The following PLPPR5 variants were observed in gnomAD, a reference collection of about 807,000 sequenced individuals.
PLPPR5 encodes phospholipid phosphatase-related protein type 5.
PLPPR5 carries 16 observed loss-of-function variants against 33.9 expected under a neutral mutation model. That is an observed-to-expected ratio of 0.47 (90% CI 0.32 to 0.72). The LOEUF is 0.72. PLPPR5 is among the 30% of genes least tolerant of loss of function. PLPPR5 has a pLI of 0.03. For synonymous variants in PLPPR5, 163 were observed against 150.3 expected, an observed-to-expected ratio of 1.08 and a Z score of -0.62; for missense variants, 301 against 406.7, an observed-to-expected ratio of 0.74 and a Z score of 2.23.
At chr1:98,902,493 T>A (rs1416723929) in intron 5 of PLPPR5, among the ~76,000 whole-genome samples, 2 of 152,164 alleles carry the variant, frequency 1.3e-5, no homozygotes, top group African/African-American at 4.8e-5. Context: ...TAATCAAAAC[T>A]ATGAAAAATA....
rs530517259 is a variant in PLPPR5 at position 99,002,799 on chromosome 1, G to C, written c.237+1636C>G. 1.4e-4 allele frequency among the ~76,000 whole-genome samples: 21 copies of C among 152,050 alleles called. No homozygotes were observed. The South Asian group carries it at 4.2e-3, about 30-fold the overall frequency. ...TAAAGGATGAGTTACAGACATTATTGATTATAGCTATGACCAAACCAATGA... is the reference window on the plus strand; with the variant it reads ...TAAAGGATGAGTTACAGACATTATTCATTATAGCTATGACCAAACCAATGA... On this transcript the variant is annotated intron_variant, in intron 1 of 5. Transcript: ENST00000263177.
rs200017242 is a variant in PLPPR5, at chr1:98,956,630, G to A, written c.349C>T (p.Arg117Cys). The change falls in exon 2 of 6, where the codon CGC becomes TGC. Residue 117 changes from arginine (R) to cysteine (C), a missense_variant. Transcript: ENST00000263177. The stretch of plus-strand genomic sequence containing the variant: ...ATACCAAGAAATCGGACAGTTCGGC[G>A]CACCAGCGGGTTTATATAGCAACAG... ...GDCCYINPLV[R>C]RTVRFLGIYT... The A allele has an allele frequency of 2.2e-4, 351 of 1,586,096 alleles. No homozygotes were observed. The highest frequency in any genetic ancestry group is 2.6e-4 in the Non-Finnish European group (307 of 1,170,392).
At chr1:99,004,921 G>A (rs1653022814), upstream of PLPPR5, 2 of 177,852 alleles carry the variant, frequency 1.1e-5, no homozygotes, top group Non-Finnish European at 1.2e-5. Flanking sequence ...CCTGCCCGCC[G>A]CAAGCGCCGC....
intron 3 of PLPPR5, among the ~76,000 whole-genome samples, chr1:98,946,781 A>G (rs1237985326): frequency 6.6e-6 from 1 of 152,206 alleles, no homozygotes; most frequent in Non-Finnish European, 1.5e-5. Context: ...TACAGTAAGC[A>G]CAGTACCTAG....
intron 1 of PLPPR5, among the ~76,000 whole-genome samples, chr1:98,962,061 G>C (rs943421641): frequency 2.0e-5 from 3 of 152,066 alleles, no homozygotes; most frequent in Admixed American, 1.3e-4. Flanking sequence ...CTGCTCTTCT[G>C]TGTCACCATC....
intron 5 of PLPPR5, among the ~76,000 whole-genome samples, chr1:98,908,478 G>A (rs1247813124): frequency 6.6e-6 from 1 of 152,104 alleles, no homozygotes; most frequent in East Asian, 1.9e-4. Context: ...GACTCCTAAG[G>A]ATAATTAATA....
At chr1:98,981,437 A>G (rs1431647655) in intron 1 of PLPPR5, among the ~76,000 whole-genome samples, 1 of 152,054 alleles carries the variant, frequency 6.6e-6, no homozygotes, top group East Asian at 1.9e-4. Flanking sequence ...GTTTGCTGAG[A>G]ACACTCGTCC....
chr1:98,993,369 T>C (rs1240576704), intron 1 of PLPPR5, among the ~76,000 whole-genome samples: 1 of 152,028 alleles, frequency 6.6e-6, no homozygotes, highest in Non-Finnish European at 1.5e-5. Context: ...GATTCTCATA[T>C]CTGTATTCTA....
chr1:98,920,316 C>T (rs1426757956), intron 4 of PLPPR5, among the ~76,000 whole-genome samples: 1 of 152,098 alleles, frequency 6.6e-6, no homozygotes, highest in Non-Finnish European at 1.5e-5. Flanking sequence ...AATACAGTTG[C>T]ATCTGACACC....
At chr1:98,947,173 A>G (rs1208374666) in intron 3 of PLPPR5, among the ~76,000 whole-genome samples, 1 of 152,204 alleles carries the variant, frequency 6.6e-6, no homozygotes, top group Non-Finnish European at 1.5e-5. Context: ...GCCTAATCAA[A>G]TAGTATATTT....
At chr1:98,964,198 G>A (rs980018283) in intron 1 of PLPPR5, among the ~76,000 whole-genome samples, 18 of 152,296 alleles carry the variant, frequency 1.2e-4, no homozygotes, top group Middle Eastern at 3.4e-3. Flanking sequence ...TCACTTCACA[G>A]TTTTCTTTGA....
At chr1:99,002,703 A>G (rs1205862316) in intron 1 of PLPPR5, among the ~76,000 whole-genome samples, 1 of 152,078 alleles carries the variant, frequency 6.6e-6, no homozygotes, top group African/African-American at 2.4e-5. Context: ...TCTAACTAGC[A>G]CCTGCCACCA....
At chr1:98,977,199 G>A (rs1461027602) in intron 1 of PLPPR5, among the ~76,000 whole-genome samples, 5 of 151,964 alleles carry the variant, frequency 3.3e-5, no homozygotes, top group Non-Finnish European at 7.4e-5. Context: ...ATTTGTGGAT[G>A]GATTAAATAA....
intron 1 of PLPPR5, among the ~76,000 whole-genome samples, chr1:98,996,804 C>G (rs1483196003): frequency 6.6e-6 from 1 of 152,002 alleles, no homozygotes; most frequent in Non-Finnish European, 1.5e-5. Context: ...TGTAACTAAA[C>G]TTATATATTA....
At chr1:98,959,460 C>T (rs977007988) in intron 1 of PLPPR5, among the ~76,000 whole-genome samples, 1 of 152,192 alleles carries the variant, frequency 6.6e-6, no homozygotes, top group Admixed American at 6.5e-5. Context: ...GTTTATTCTA[C>T]AGTTAGTTTC....
chr1:98,911,354 A>G (rs9651145), intron 5 of PLPPR5, among the ~76,000 whole-genome samples: 26,104 of 152,162 alleles, frequency 0.17, 2,494 homozygotes, highest in Non-Finnish European at 0.21. Flanking sequence ...TTTGTTATGA[A>G]CCTAAAAATT....
intron 4 of PLPPR5, among the ~76,000 whole-genome samples, chr1:98,915,582 TA>T (rs200003996): frequency 0.018 from 2,682 of 151,094 alleles, 84 homozygotes; most frequent in African/African-American, 0.061. Flanking sequence ...AAATAAAAAA[TA>T]AAAATAAAAA....
At chr1:98,894,121 G>A (rs1436685452) in intron 5 of PLPPR5, among the ~76,000 whole-genome samples, 1 of 152,016 alleles carries the variant, frequency 6.6e-6, no homozygotes, top group East Asian at 1.9e-4. Context: ...ACAATTTGGG[G>A]CATTATCTTC....
At chr1:98,895,678 G>A (rs1202070981) in intron 5 of PLPPR5, among the ~76,000 whole-genome samples, 1 of 151,894 alleles carries the variant, frequency 6.6e-6, no homozygotes, top group Non-Finnish European at 1.5e-5. Context: ...AGGATTCTAG[G>A]GAAAACTCTT....
Sources: allele counts gnomAD v4.1 joint callset (sites outside exome capture counted in the v4.1 genomes callset), GRCh38; gene constraint gnomAD v4.1.1; transcripts MANE v1.5; gene names NCBI Gene and HGNC (gene_info 2026-07-23, HGNC 2026-07-21).